AQR: variants seen among roughly 807,000 people sequenced by gnomAD.
The protein encoded by AQR is aquarius intron-binding spliceosomal factor, also known as RNA helicase aquarius.
A neutral mutation model predicts 180.5 loss-of-function variants in AQR; 61 were observed. The observed-to-expected ratio is 0.34, with a 90% confidence interval of 0.28 to 0.42. The LOEUF (loss-of-function observed/expected upper bound fraction) is 0.42, where lower values mean the gene tolerates loss of function less well. Ranked by LOEUF, AQR falls within the 10% of genes least tolerant of loss-of-function variation. The pLI is 1.00. For synonymous variants in AQR, 551 were observed against 588.8 expected, an observed-to-expected ratio of 0.94 and a Z score of 0.93; for missense variants, 1,281 against 1,798.3, an observed-to-expected ratio of 0.71 and a Z score of 5.20.
chr15:34,862,839 T>C (rs1281701619), intron 33 of AQR, 28 bp downstream of exon 33: 11 of 1,609,880 alleles, frequency 6.8e-6, no homozygotes, highest in Non-Finnish European at 9.3e-6. Flanking sequence ...AGGAATGCTG[T>C]TTTATAAAAT....
At chr15:34,948,520 T>C in intron 4 of AQR, 136 bp from the exon 5 acceptor site, 1 of 1,199,536 alleles carries the variant, frequency 8.3e-7, no homozygotes, top group African/African-American at 1.6e-5. Context: ...CTTGGAATCC[T>C]TGGCTGGGTG....
At chr15:34,901,589 T>C (rs1232754933) in intron 19 of AQR, among the ~76,000 whole-genome samples, 1 of 152,226 alleles carries the variant, frequency 6.6e-6, no homozygotes, top group Non-Finnish European at 1.5e-5. Flanking sequence ...GAGGCTAGGC[T>C]ATTAATTTCA....
intron 12 of AQR, 129 bp from the exon 13 acceptor site, chr15:34,927,267 T>G: frequency 2.3e-6 from 1 of 442,790 alleles, no homozygotes; most frequent in Non-Finnish European, 3.8e-6. Context: ...TTCTTTTATG[T>G]GACCTCTACC....
chr15:34,918,274 C>T lies in AQR; in HGVS notation c.1326G>A (p.Glu442=). 6.2e-7 allele frequency: 1 copy of T among 1,613,472 alleles called. No individual in the cohort carries two copies. The highest frequency in any genetic ancestry group is 8.5e-7 in the Non-Finnish European group (1 of 1,179,764). Residue 442 remains glutamate (E), a synonymous_variant, in exon 15 of 35, where the codon GAG becomes GAA. Coordinates refer to ENST00000156471, the MANE Select transcript of AQR (RefSeq NM_014691.3). ...IIWDENIVPT[E]YYSGEGCLAL... is the part of the protein sequence containing the mutation. ...TTACCATACCTTCTCCAGAATAGTA[C>T]TCAGTTGGGACAATATTTTCATCCC...
Position 34,900,679 on chromosome 15 carries a change from G to C in AQR, c.2186C>G (p.Pro729Arg). Reference protein sequence around the residue: ...LSIEHLKASFPGHNVKVTVED... With the variant: ...LSIEHLKASFRGHNVKVTVED... ...TACAGTTACTTTAACATTATGACCA[G>C]GGAAGCTGGCTTTTAAATGCTCAAT... The change falls in exon 20 of 35, where the codon CCT (proline) becomes CGT (arginine). Residue 729 changes from proline to arginine, a missense_variant. This residue lies in a region of AQR where 112 missense variants were observed against 128.6 expected (regional missense o/e 0.87). Transcript: ENST00000156471. 1 of 1,614,136 alleles carries C rather than the reference G, an allele frequency of 6.2e-7. No homozygotes were observed. Among genetic ancestry groups the C allele is most frequent in the Admixed American group, 1.7e-5 (1 of 60,016 alleles).
chr15:34,951,709 C>T (rs1028342118), intron 4 of AQR, among the ~76,000 whole-genome samples: 10 of 150,632 alleles, frequency 6.6e-5, no homozygotes, highest in African/African-American at 2.4e-4. Flanking sequence ...TTGATGCTTT[C>T]AATCTGTTTT....
At chr15:34,896,782 G>A in intron 22 of AQR, 115 bp downstream of exon 22, 1 of 846,406 alleles carries the variant, frequency 1.2e-6, no homozygotes, top group Non-Finnish European at 1.9e-6. Flanking sequence ...CTGGGAGGCA[G>A]AGGCTGCAGT....
intron 2 of AQR, among the ~76,000 whole-genome samples, chr15:34,963,071 G>T (rs1178232765): frequency 6.6e-6 from 1 of 152,066 alleles, no homozygotes; most frequent in Non-Finnish European, 1.5e-5. Flanking sequence ...CAAGCTCCTG[G>T]GCTCAGTCAG....
In AQR at chr15:34,856,354, GA is replaced by G. The variant is rs1892585856; in HGVS notation, c.*437del. ...ACATAAAGACAGCAAACAAAGGTAA[GA>G]AAAAAGGAAACAGAATTTAAGCATT... On this transcript the variant is annotated 3_prime_UTR_variant, in exon 35 of 35. Transcript: ENST00000156471. The G allele has an allele frequency of 2.5e-6, 1 of 393,426 alleles. No homozygotes were observed. The highest frequency in any genetic ancestry group is 3.6e-5 in the East Asian group (1 of 27,698). 24.4% of individuals were successfully genotyped at this position (393,426 alleles called of 1,614,324 possible). A position where few individuals can be genotyped will look rare whatever the true frequency, so the allele number is the denominator to read the frequency against.
At position 34,932,365 on chromosome 15, in the gene AQR, G is replaced by C. The variant is rs768287160; in HGVS notation, c.853C>G (p.Leu285Val). 3 of 1,613,780 alleles carry C rather than the reference G, an allele frequency of 1.9e-6. No homozygotes were observed. The highest frequency in any genetic ancestry group is 2.5e-6 in the Non-Finnish European group (3 of 1,179,874). The part of the protein sequence containing the change: ...DDSHLLVHCY[L>V]SNLVRREEDG... Reference sequence around the variant, plus strand: ...TCTTCTCTACGAACAAGATTGGAAAGGTAACAGTGAACCAGAAGGTGGGAA... The same window carrying C: ...TCTTCTCTACGAACAAGATTGGAAACGTAACAGTGAACCAGAAGGTGGGAA... Residue 285 changes from leucine (L) to valine (V), a missense_variant, in exon 11 of 35, where the codon CTT (leucine) becomes GTT (valine). By Grantham distance (32) the Leu-to-Val change is conservative. Transcript: ENST00000156471.
rs1893266726 is a variant in AQR at position 34,897,582 on chromosome 15, A to C, written c.2367T>G (p.Pro789=). The part of the protein sequence containing the change: ...VEPHVIPNRG[P]YPYNQPKRNT... Reference sequence around the variant, plus strand: ...ACCGTTTGGGTTGATTATAAGGATAAGGACCCCTATTAGGAATAACATGGG... The same window carrying C: ...ACCGTTTGGGTTGATTATAAGGATACGGACCCCTATTAGGAATAACATGGG... Residue 789 remains proline (P), a synonymous_variant, in exon 21 of 35, where the codon CCT becomes CCG. Coordinates refer to ENST00000156471, the MANE Select transcript of AQR (RefSeq NM_014691.3). The C allele has an allele frequency of 6.2e-7, 1 of 1,613,994 alleles. No individual in the cohort carries two copies. Among genetic ancestry groups the C allele is most frequent in the Non-Finnish European group, 8.5e-7 (1 of 1,179,978 alleles).
At chr15:34,931,872 A>G (rs1893869285) in intron 11 of AQR, among the ~76,000 whole-genome samples, 1 of 152,176 alleles carries the variant, frequency 6.6e-6, no homozygotes, top group Non-Finnish European at 1.5e-5. Context: ...ATAACAGGAA[A>G]TGTAAAATAC....
intron 14 of AQR, among the ~76,000 whole-genome samples, chr15:34,920,053 T>C (rs1036864361): frequency 1.3e-5 from 2 of 152,194 alleles, no homozygotes; most frequent in Admixed American, 6.5e-5. Context: ...ACAGGAATTT[T>C]TAGGAACTGA....
chr15:34,910,368 T>C lies in AQR; in HGVS notation c.1485-55A>G, dbSNP rs1893481997. 50 of 1,580,568 alleles carry C rather than the reference T, an allele frequency of 3.2e-5. 1 individual carries two copies. In the South Asian group the frequency reaches 4.8e-4, roughly 15 times the overall value. The stretch of plus-strand genomic sequence containing the variant: ...AACAAAAAATAATTTATCCCCAACT[T>C]TTAGACAAGTTAAAACTAGTAAGTA... On this transcript the variant is annotated intron_variant, in intron 16 of 34. Coordinates refer to ENST00000156471, the MANE Select transcript of AQR (RefSeq NM_014691.3).
chr15:34,961,677 A>AAC (rs575483804), intron 2 of AQR, among the ~76,000 whole-genome samples: 7,678 of 119,458 alleles, frequency 0.064, 239 homozygotes, highest in Middle Eastern at 0.097. Context: ...AAAAAAAAAA[A>AAC]AGAAAAAAAG....
chr15:34,918,449 G>T (rs1893630467), intron 14 of AQR, 71 bp from the exon 15 acceptor site: 2 of 1,538,092 alleles, frequency 1.3e-6, no homozygotes, highest in African/African-American at 2.8e-5. Flanking sequence ...ATTTATGGAA[G>T]AAGTTTCATG....
Position 34,944,386 on chromosome 15 carries a change from G to A in AQR, c.373C>T (p.His125Tyr). ...TCAGCTAATGCCGCCTTCAAGATGTGTTTAAAAAAGAATGGGAAGTGGTCT... is the reference window on the plus strand; with the variant it reads ...TCAGCTAATGCCGCCTTCAAGATGTATTTAAAAAAGAATGGGAAGTGGTCT... ...KPDHFPFFFK[H>Y]ILKAALAETD... The change falls in exon 6 of 35, where the codon CAC (histidine) becomes TAC (tyrosine). Residue 125 changes from histidine to tyrosine, a missense_variant. Transcript: ENST00000156471. The A allele has an allele frequency of 6.2e-7, 1 of 1,606,812 alleles. No individual in the cohort carries two copies. The highest frequency in any genetic ancestry group is 1.1e-5 in the South Asian group (1 of 89,518).
intron 22 of AQR, among the ~76,000 whole-genome samples, chr15:34,895,846 A>G (rs914705202): frequency 6.6e-6 from 1 of 151,914 alleles, no homozygotes; most frequent in African/African-American, 2.4e-5. Flanking sequence ...TAACATCAAC[A>G]AAATGGATCT....
rs1893034506 is a variant in AQR, at chr15:34,884,870, A to T, written c.2818-136T>A. The T allele has an allele frequency of 1.3e-5, 9 of 671,426 alleles. No individual in the cohort carries two copies. The South Asian group carries it at 1.5e-4, about 12-fold the overall frequency. The allele number at this position is 671,426 out of a possible 1,614,324, so 41.6% of individuals were successfully genotyped here. On this transcript the variant is annotated intron_variant, in intron 25 of 34. Coordinates refer to ENST00000156471, the MANE Select transcript of AQR (RefSeq NM_014691.3). Reference sequence around the variant, plus strand: ...GAAATTCAATCTTTGATCCAATATAACTATTCTTCATTCCTGTAACTGACA... The same window carrying T: ...GAAATTCAATCTTTGATCCAATATATCTATTCTTCATTCCTGTAACTGACA...
Sources: gnomAD v4.1 joint callset for allele counts (sites outside exome capture counted in the v4.1 genomes callset) on GRCh38, gnomAD v4.1.1 for gene constraint, gnomAD v4.1.1 regional missense constraint, MANE v1.5 for transcripts, NCBI Gene and HGNC (gene_info 2026-07-23, HGNC 2026-07-21) for gene names.